PRKCH: variants seen among roughly 807,000 people sequenced by gnomAD.
PRKCH encodes the protein protein kinase C eta type.
A neutral mutation model predicts 82.5 loss-of-function variants in PRKCH; 28 were observed. The ratio of observed to expected loss-of-function variants is 0.34; its 90% CI spans 0.25 to 0.47. The LOEUF (loss-of-function observed/expected upper bound fraction) is 0.47, where lower values mean the gene tolerates loss of function less well. Among genes scored for constraint, PRKCH ranks in the 20% least tolerant of loss-of-function variants. PRKCH has a pLI of 1.00. For synonymous variants in PRKCH, 322 were observed against 327.4 expected, an observed-to-expected ratio of 0.98 and a Z score of 0.18; for missense variants, 705 against 881.8, an observed-to-expected ratio of 0.80 and a Z score of 2.54.
At chr14:61,519,325 A>G (rs577137182) in intron 10 of PRKCH, among the ~76,000 whole-genome samples, 1 of 151,778 alleles carries the variant, frequency 6.6e-6, no homozygotes, top group African/African-American at 2.4e-5. Flanking sequence ...ATGAATAAAT[A>G]AAATTTTTGT....
chr14:61,254,151 T>A (rs1021911247), intron 1 of PRKCH, among the ~76,000 whole-genome samples: 1 of 152,110 alleles, frequency 6.6e-6, no homozygotes, highest in Non-Finnish European at 1.5e-5. Context: ...GTCTCTCTCA[T>A]GTTTTATCAT....
chr14:61,275,051 A>G (rs1347115222), intron 1 of PRKCH, among the ~76,000 whole-genome samples: 1 of 152,242 alleles, frequency 6.6e-6, no homozygotes, highest in Non-Finnish European at 1.5e-5. Context: ...CTTAGCATGA[A>G]TAGGAAATGT....
At chr14:61,495,491 A>AT (rs1190526631) in intron 10 of PRKCH, among the ~76,000 whole-genome samples, 1 of 152,272 alleles carries the variant, frequency 6.6e-6, no homozygotes. Context: ...AAATACAGTC[A>AT]TTTAATCTTT....
intron 1 of PRKCH, among the ~76,000 whole-genome samples, chr14:61,201,840 T>C (rs992251105): frequency 1.3e-4 from 20 of 152,138 alleles, no homozygotes; most frequent in Non-Finnish European, 1.5e-5. Context: ...AACATGTTAT[T>C]TGAATTATGT....
intron 1 of PRKCH, among the ~76,000 whole-genome samples, chr14:61,244,365 C>T (rs1410559432): frequency 2.0e-5 from 3 of 152,132 alleles, no homozygotes; most frequent in Non-Finnish European, 4.4e-5. Context: ...TCAGGGACCC[C>T]AACCTGAAAC....
In PRKCH at chr14:61,272,340, C is replaced by CT. The variant is rs1335053986; in HGVS notation, c.-19+84675dup. On this transcript the variant is annotated intron_variant, in intron 1 of 3. Coordinates refer to the PRKCH transcript ENST00000555185. ...TAGATTTCTTTTTCTTTTCTTTTTT[C>CT]TTTCTTTTTTTTTTTTTTTTTTTTT... 4.8e-4 allele frequency among the ~76,000 whole-genome samples: 47 copies of CT among 97,818 alleles called. 3 individuals are homozygous for CT. The highest frequency in any genetic ancestry group is 1.4e-3 in the South Asian group (4 of 2,812). 64.2% of individuals were successfully genotyped at this position (97,818 alleles called of 152,430 possible).
chr14:61,549,652 A>G lies in PRKCH; in HGVS notation c.1906-33A>G, dbSNP rs764896065. On this transcript the variant is annotated intron_variant, in intron 13 of 13. Transcript: ENST00000332981. ...AGATGAGTAAGCCTCAAGCGCAAAAATCTCACCCTTGTTTCCCTTTTTTTT... is the reference window on the plus strand; with the variant it reads ...AGATGAGTAAGCCTCAAGCGCAAAAGTCTCACCCTTGTTTCCCTTTTTTTT... 1.9e-6 allele frequency: 3 copies of G among 1,605,390 alleles called. No individual in the cohort carries two copies. In the East Asian group the frequency reaches 6.7e-5, roughly 36 times the overall value.
chr14:61,487,519 C>A (rs140398863), intron 10 of PRKCH, among the ~76,000 whole-genome samples: 301 of 152,262 alleles, frequency 2.0e-3, no homozygotes, highest in African/African-American at 7.1e-3. Context: ...TGCTATCAGA[C>A]TCCAGGCAGT....
chr14:61,446,596 T>C (rs1222238271), intron 4 of PRKCH, among the ~76,000 whole-genome samples: 1 of 152,236 alleles, frequency 6.6e-6, no homozygotes, highest in East Asian at 1.9e-4. Context: ...TGGATCTAAT[T>C]TTGACTTTAC....
intron 10 of PRKCH, among the ~76,000 whole-genome samples, chr14:61,520,087 A>AG (rs1171021064): frequency 1.3e-5 from 2 of 151,946 alleles, no homozygotes; most frequent in African/African-American, 4.8e-5. Context: ...AAAAAAAAAA[A>AG]AAAGAAAGAA....
chr14:61,534,739 T>G (rs879887697), intron 12 of PRKCH, among the ~76,000 whole-genome samples: 10 of 151,942 alleles, frequency 6.6e-5, no homozygotes, highest in Non-Finnish European at 1.3e-4. Context: ...ATGAAGGGAC[T>G]TTACATGTTA....
Position 61,254,059 on chromosome 14 carries a change from C to T in PRKCH, c.-19+66391C>T, listed in dbSNP as rs567663957. On this transcript the variant is annotated intron_variant, in intron 1 of 3. Coordinates refer to the PRKCH transcript ENST00000555185. ...CTTTCAACAAATATTTATAGAGTTTCTACTATGTCGAAACTCTATGCGAGA... is the reference window on the plus strand; with the variant it reads ...CTTTCAACAAATATTTATAGAGTTTTTACTATGTCGAAACTCTATGCGAGA... Among the ~76,000 whole-genome samples, 4 of 130,534 alleles carry T rather than the reference C, an allele frequency of 3.1e-5. No homozygotes were observed. The South Asian group carries it at 1.0e-3, about 34-fold the overall frequency. The allele number at this position is 130,534 out of a possible 152,430, so 85.6% of individuals were successfully genotyped here.
intron 1 of PRKCH, among the ~76,000 whole-genome samples, chr14:61,331,095 TA>T (rs1373643620): frequency 6.6e-6 from 1 of 152,224 alleles, no homozygotes; most frequent in East Asian, 1.9e-4. Flanking sequence ...ATGAGAAGTG[TA>T]ATATACATAC....
At chr14:61,242,363 C>G (rs1271960014) in intron 1 of PRKCH, among the ~76,000 whole-genome samples, 2 of 152,216 alleles carry the variant, frequency 1.3e-5, no homozygotes, top group African/African-American at 2.4e-5. Context: ...CAGGATCTGA[C>G]TTTCAGCAGG....
chr14:61,450,819 T>A (rs1322652924), intron 5 of PRKCH, 23 bp from the exon 6 acceptor site: 1 of 1,609,492 alleles, frequency 6.2e-7, no homozygotes, highest in Non-Finnish European at 8.5e-7. Flanking sequence ...TTAGCTCTTG[T>A]CCCTTTATTT....
intron 1 of PRKCH, among the ~76,000 whole-genome samples, chr14:61,294,869 A>G (rs1361572815): frequency 6.6e-6 from 1 of 151,896 alleles, no homozygotes; most frequent in Non-Finnish European, 1.5e-5. Flanking sequence ...TCCTATACCT[A>G]TCTTCTTTTT....
At chr14:61,512,720 T>C (rs1051140236) in intron 10 of PRKCH, among the ~76,000 whole-genome samples, 3 of 152,178 alleles carry the variant, frequency 2.0e-5, no homozygotes, top group African/African-American at 7.2e-5. Context: ...GTGATTTGTC[T>C]TGTCTGGTTT....
At chr14:61,199,293 T>A (rs1328689658) in intron 1 of PRKCH, among the ~76,000 whole-genome samples, 2 of 152,200 alleles carry the variant, frequency 1.3e-5, no homozygotes, top group African/African-American at 2.4e-5. Context: ...GGTGTCTGAT[T>A]TACTGACTTG....
At chr14:61,435,384 GTTGT>G (rs1465756084) in intron 2 of PRKCH, among the ~76,000 whole-genome samples, 1 of 152,220 alleles carries the variant, frequency 6.6e-6, no homozygotes, top group Non-Finnish European at 1.5e-5. Context: ...CGTCTCTAAG[GTTGT>G]TTGAGTGACT....
Sources: gnomAD v4.1 joint callset for allele counts (sites outside exome capture counted in the v4.1 genomes callset) on GRCh38, gnomAD v4.1.1 for gene constraint, MANE v1.5 for transcripts, NCBI Gene and HGNC (gene_info 2026-07-23, HGNC 2026-07-21) for gene names.